Variants in TIGD6 observed in about 807,000 individuals in gnomAD.
The protein encoded by TIGD6 is tigger transposable element derived 6, also known as tigger transposable element-derived protein 6.
TIGD6 carries 1 observed loss-of-function variant against 2.6 expected under a neutral mutation model. The ratio of observed to expected loss-of-function variants is 0.39; its 90% confidence interval spans 0.14 to 1.85. The LOEUF (loss-of-function observed/expected upper bound fraction) is 1.85, where lower values mean the gene tolerates loss of function less well. Among genes scored for constraint, TIGD6 ranks in the 40% most tolerant of loss-of-function variants. The pLI, the probability that TIGD6 is intolerant of heterozygous loss-of-function variation, is 0.32. For missense variants in TIGD6, 601 were observed against 634.2 expected (o/e 0.95, Z 0.56); for synonymous variants, 193 against 221.9 (o/e 0.87, Z 1.16).
chr5:149,996,044 C>T lies in TIGD6; in HGVS notation c.305G>A (p.Arg102Gln), dbSNP rs200008804. ...KNILVTGSVI[R>Q]KKALNLANML... Reference sequence around the variant, plus strand: ...GTTGGCCAAGTTTAGTGCTTTTTTCCGAATGACAGAACCAGTCACAAGAAT... The same window carrying T: ...GTTGGCCAAGTTTAGTGCTTTTTTCTGAATGACAGAACCAGTCACAAGAAT... The change falls in exon 2 of 2, where the codon CGG becomes CAG. Residue 102 changes from arginine (R) to glutamine (Q), a missense_variant. Coordinates refer to ENST00000296736, the MANE Select transcript of TIGD6 (RefSeq NM_030953.4). 1.0e-4 allele frequency: 169 copies of T among 1,612,508 alleles called. 3 individuals carry two copies. In the South Asian group the frequency reaches 1.4e-3, roughly 13 times the overall value.
chr5:149,997,922 C>T (rs1755434802), intron 1 of TIGD6, among the ~76,000 whole-genome samples: 1 of 151,668 alleles, frequency 6.6e-6, no homozygotes, highest in African/African-American at 2.4e-5. Flanking sequence ...GATCGCGCCA[C>T]TGCACTCCAG....
At chr5:149,997,906 A>G (rs1755434009) in intron 1 of TIGD6, among the ~76,000 whole-genome samples, 3 of 151,326 alleles carry the variant, frequency 2.0e-5, no homozygotes, top group South Asian at 4.2e-4. Context: ...GCTTGCAGTG[A>G]GCTGAGATCG....
Position 149,995,693 on chromosome 5 carries a change from G to A in TIGD6, c.656C>T (p.Ser219Leu), listed in dbSNP as rs768843860. ...CAATGGTCTCATTTTTTCAGTCCCC[G>A]AGGCATTGCAACAAAAGAGTGCTGT... ...RLTALFCCNA[S>L]GTEKMRPLIV... Residue 219 changes from serine (S) to leucine (L), a missense_variant, in exon 2 of 2, where the codon TCG (serine) becomes TTG (leucine). Transcript: ENST00000296736. 4 of 1,614,046 alleles carry A rather than the reference G, an allele frequency of 2.5e-6. No homozygotes were observed. The highest frequency in any genetic ancestry group is 1.3e-5 in the African/African-American group (1 of 74,914).
chr5:149,993,350 G>GA lies in TIGD6; in HGVS notation c.*1432dup, dbSNP rs1384095455. On this transcript the variant is annotated 3_prime_UTR_variant, in exon 2 of 2. Transcript: ENST00000296736. The stretch of plus-strand genomic sequence containing the variant: ...CCAAAAAATTAACCTGAAGCAGGGG[G>GA]AAAAATGACATCACACCATTAGCAG... 3.3e-5 allele frequency: 5 copies of GA among 152,144 alleles called. No individual in the cohort carries two copies. In the South Asian group the frequency reaches 6.2e-4, roughly 19 times the overall value. 9.4% of individuals were successfully genotyped at this position (152,144 alleles called of 1,614,324 possible). A position where few individuals can be genotyped will look rare whatever the true frequency, so the allele number is the denominator to read the frequency against.
intron 1 of TIGD6, among the ~76,000 whole-genome samples, chr5:149,998,806 A>G (rs1755461352): frequency 6.6e-6 from 1 of 152,244 alleles, no homozygotes; most frequent in South Asian, 2.1e-4. Context: ...CCAGCCATAC[A>G]GAGATGAATG....
rs1480022925 is a variant in TIGD6, at chr5:149,996,152, TG to T, written c.196del (p.Gln66SerfsTer5). On this transcript the variant is annotated frameshift_variant, in exon 2 of 2. Transcript: ENST00000296736. LOFTEE classifies it low-confidence loss of function (END_TRUNC). ...AAGAGCGCTCCTCATCCTTTTCCGC[TG>T]GGGTCCCACGGATGCCTCCCGCACC... ...EKVREASVGPQRKRMRSALYD... is the reference protein window; with the variant it reads ...EKVREASVGPXRKRMRSALYD... 1 of 1,610,104 alleles carries T rather than the reference TG, an allele frequency of 6.2e-7. No individual in the cohort carries two copies. The highest frequency in any genetic ancestry group is 1.4e-5 in the African/African-American group (1 of 71,052).
Position 149,995,295 on chromosome 5 carries a change from C to T in TIGD6, c.1054G>A (p.Ala352Thr). 6.3e-7 allele frequency: 1 copy of T among 1,593,770 alleles called. No homozygotes were observed. Among genetic ancestry groups the T allele is most frequent in the South Asian group, 1.1e-5 (1 of 90,102 alleles). ...EDQEEVDIKQ[A>T]IDMIAAAWWS... ...CACGCTGCAGCAATCATGTCGATGG[C>T]CTGCTTGATGTCCACCTCTTCTTGA... The change falls in exon 2 of 2, where the codon GCC becomes ACC. Residue 352 changes from alanine to threonine, a missense_variant. Ala to Thr is a moderately conservative substitution (Grantham distance 58). Transcript: ENST00000296736.
chr5:149,996,228 G>T lies in TIGD6; in HGVS notation c.121C>A (p.Pro41Thr), dbSNP rs778601088. ...GDVAKEFGIT[P>T]STLSTFLKDR... ...TTTAAGAATGTAGATAAAGTAGAGG[G>T]AGTGATACCAAATTCTTTTGCCACA... Residue 41 changes from proline to threonine, a missense_variant, in exon 2 of 2, where the codon CCC (proline) becomes ACC (threonine). Transcript: ENST00000296736. The T allele has an allele frequency of 4.3e-6, 7 of 1,614,168 alleles. No individual in the cohort carries two copies. In the Admixed American group the frequency reaches 8.3e-5, roughly 19 times the overall value.
intron 1 of TIGD6, among the ~76,000 whole-genome samples, chr5:149,997,171 T>C (rs1234264007): frequency 6.6e-6 from 1 of 152,158 alleles, no homozygotes; most frequent in African/African-American, 2.4e-5. Flanking sequence ...CAAAGGGTGG[T>C]CAGGGATGTC....
rs747887897 is a variant in TIGD6 at position 149,994,996 on chromosome 5, T to C, written c.1353A>G (p.Glu451=). The C allele has an allele frequency of 4.3e-6, 7 of 1,613,882 alleles. No individual in the cohort carries two copies. The African/African-American group carries it at 9.3e-5, about 22-fold the overall frequency. The part of the protein sequence containing the change: ...AGENTSEAGS[E]DEGEVSLPEQ... Reference sequence around the variant, plus strand: ...CTGGTAAAGATACCTCCCCTTCATCTTCACTTCCTGCTTCACTGGTATTTT... The same window carrying C: ...CTGGTAAAGATACCTCCCCTTCATCCTCACTTCCTGCTTCACTGGTATTTT... The change falls in exon 2 of 2, where the codon GAA becomes GAG. Residue 451 remains glutamate, a synonymous_variant. Coordinates refer to ENST00000296736, the MANE Select transcript of TIGD6 (RefSeq NM_030953.4).
Position 149,995,037 on chromosome 5 carries a change from C to G in TIGD6, c.1312G>C (p.Asp438His). 6.2e-7 allele frequency: 1 copy of G among 1,614,208 alleles called. No homozygotes were observed. Among genetic ancestry groups the G allele is most frequent in the Non-Finnish European group, 8.5e-7 (1 of 1,180,044 alleles). Residue 438 changes from aspartate to histidine, a missense_variant, in exon 2 of 2, where the codon GAC becomes CAC. Physicochemically the swap from Asp to His is moderately conservative, Grantham distance 81 (BLOSUM62 -1). Coordinates refer to ENST00000296736, the MANE Select transcript of TIGD6 (RefSeq NM_030953.4). The part of the protein sequence containing the change: ...IISQDTDIIQ[D>H]MVAGENTSEA... ...CTGGTATTTTCGCCAGCCACCATGTCCTGGATGATGTCTGTGTCCTGAGAG... is the reference window on the plus strand; with the variant it reads ...CTGGTATTTTCGCCAGCCACCATGTGCTGGATGATGTCTGTGTCCTGAGAG...
chr5:149,995,525 G>GC lies in TIGD6; in HGVS notation c.823dup (p.Ala275GlyfsTer16). On this transcript the variant is annotated frameshift_variant, in exon 2 of 2. Coordinates refer to ENST00000296736, the MANE Select transcript of TIGD6 (RefSeq NM_030953.4). LOFTEE classifies it low-confidence loss of function (END_TRUNC). ...TATGAGCAAGAGGATCCGGCGTTCC[G>GC]CCCTCTTCATCCTGGCATCCACTTG... 1 of 1,614,202 alleles carries GC rather than the reference G, an allele frequency of 6.2e-7. No individual in the cohort carries two copies. Among genetic ancestry groups the GC allele is most frequent in the Non-Finnish European group, 8.5e-7 (1 of 1,180,038 alleles).
chr5:149,998,749 T>A (rs560316757), intron 1 of TIGD6, among the ~76,000 whole-genome samples: 54 of 152,320 alleles, frequency 3.5e-4, no homozygotes, highest in Non-Finnish European at 8.8e-5. Flanking sequence ...CATACATGTA[T>A]CCATCCATTC....
chr5:149,997,317 T>A (rs1309180896), intron 1 of TIGD6, among the ~76,000 whole-genome samples: 1 of 152,108 alleles, frequency 6.6e-6, no homozygotes, highest in Non-Finnish European at 1.5e-5. Flanking sequence ...ATCCCAGCAC[T>A]TTGGGAGGCC....
chr5:149,996,314 A>C lies in TIGD6; in HGVS notation c.35T>G (p.Phe12Cys). The C allele has an allele frequency of 6.2e-7, 1 of 1,612,358 alleles. No homozygotes were observed. The highest frequency in any genetic ancestry group is 8.5e-7 in the Non-Finnish European group (1 of 1,179,232). Residue 12 changes from phenylalanine (F) to cysteine (C), a missense_variant, in exon 2 of 2, where the codon TTC becomes TGC. By Grantham distance (205) the Phe-to-Cys change is radical. Transcript: ENST00000296736. ...ANKGNKKRRQ[F>C]SLEEKMKVVG... ...AACTTTCATTTTCTCCTCCAGAGAGAACTGCCGACGCTTCTTGTTCCCCTT... is the reference window on the plus strand; with the variant it reads ...AACTTTCATTTTCTCCTCCAGAGAGCACTGCCGACGCTTCTTGTTCCCCTT...
chr5:149,995,554 C>A lies in TIGD6; in HGVS notation c.795G>T (p.Leu265=), dbSNP rs746376412. The A allele has an allele frequency of 6.2e-7, 1 of 1,614,134 alleles. No individual in the cohort carries two copies. The highest frequency in any genetic ancestry group is 2.2e-5 in the East Asian group (1 of 44,900). ...TCTTCATCCTGGCATCCACTTGCAT[C>A]AGCCACTCATTAAACAGATCCCTTG... The part of the protein sequence containing the change: ...WMTRDLFNEW[L]MQVDARMKRA... Residue 265 remains leucine, a synonymous_variant, in exon 2 of 2, where the codon CTG becomes CTT. Transcript: ENST00000296736.
Position 149,994,900 on chromosome 5 carries a change from A to T in TIGD6, c.1449T>A (p.Cys483Ter), listed in dbSNP as rs1200684002. ...VQKLRQFLST[C>*]VDIPDAIFGQ... Reference sequence around the variant, plus strand: ...CAAAAATGGCATCAGGAATGTCTACACAAGTGGAAAGGAACTGTCTAAGTT... The same window carrying T: ...CAAAAATGGCATCAGGAATGTCTACTCAAGTGGAAAGGAACTGTCTAAGTT... Residue 483 changes from cysteine to a stop codon, truncating the protein, a stop_gained, in exon 2 of 2, where the codon TGT becomes TGA. Coordinates refer to ENST00000296736, the MANE Select transcript of TIGD6 (RefSeq NM_030953.4). LOFTEE classifies it high-confidence loss of function. The T allele has an allele frequency of 4.3e-6, 7 of 1,612,106 alleles. No homozygotes were observed. Among genetic ancestry groups the T allele is most frequent in the Non-Finnish European group, 5.9e-6 (7 of 1,178,550 alleles).
rs1260115192 is a variant in TIGD6, at chr5:149,995,034, T to C, written c.1315A>G (p.Met439Val). Residue 439 changes from methionine to valine, a missense_variant, in exon 2 of 2, where the codon ATG (methionine) becomes GTG (valine). Physicochemically the swap from Met to Val is conservative, Grantham distance 21. Coordinates refer to ENST00000296736, the MANE Select transcript of TIGD6 (RefSeq NM_030953.4). The part of the protein sequence containing the change: ...ISQDTDIIQD[M>V]VAGENTSEAG... ...TCACTGGTATTTTCGCCAGCCACCA[T>C]GTCCTGGATGATGTCTGTGTCCTGA... 2.5e-6 allele frequency: 4 copies of C among 1,614,114 alleles called. No homozygotes were observed. The highest frequency in any genetic ancestry group is 1.1e-5 in the South Asian group (1 of 91,086).
chr5:149,999,211 G>A (rs17110759), intron 1 of TIGD6, among the ~76,000 whole-genome samples: 1 of 152,242 alleles, frequency 6.6e-6, no homozygotes, highest in South Asian at 2.1e-4. Context: ...GGAATGACAT[G>A]ATCAGATTTA....
Sources: gnomAD v4.1 joint callset for allele counts (sites outside exome capture counted in the v4.1 genomes callset) on GRCh38, gnomAD v4.1.1 for gene constraint, MANE v1.5 for transcripts, NCBI Gene and HGNC (gene_info 2026-07-23, HGNC 2026-07-21) for gene names.